Variants in THBS4 observed in about 807,000 individuals in gnomAD.
THBS4 encodes thrombospondin 4.
THBS4 carries 90 observed loss-of-function variants against 115.7 expected under a neutral mutation model. That is an observed-to-expected ratio of 0.78 (90% CI 0.66 to 0.93). The LOEUF (loss-of-function observed/expected upper bound fraction) is 0.93, where lower values mean the gene tolerates loss of function less well. Ranked by LOEUF, THBS4 falls within the 40% of genes least tolerant of loss-of-function variation. The pLI, the probability that THBS4 is intolerant of heterozygous loss-of-function variation, is 0.00. For synonymous variants in THBS4, 460 were observed against 479.3 expected (o/e 0.96, Z 0.53); for missense variants, 1,087 against 1,232.7 (o/e 0.88, Z 1.77).
At chr5:80,057,848 G>T (rs1833482278) in intron 3 of THBS4, among the ~76,000 whole-genome samples, 1 of 152,120 alleles carries the variant, frequency 6.6e-6, no homozygotes, top group Non-Finnish European at 1.5e-5. Flanking sequence ...GTTTAAAATT[G>T]GGGTTAACAC....
chr5:80,066,633 A>T (rs1302637490), intron 9 of THBS4: 1 of 152,202 alleles, frequency 6.6e-6, no homozygotes, highest in African/African-American at 2.4e-5. Flanking sequence ...AATGTTACGT[A>T]TTTAGACTAA....
intron 1 of THBS4, among the ~76,000 whole-genome samples, chr5:79,993,744 T>G (rs966681159): frequency 6.6e-6 from 1 of 152,200 alleles, no homozygotes; most frequent in Non-Finnish European, 1.5e-5. Flanking sequence ...CAGTGCAAGG[T>G]TTGTTAGGCT....
At chr5:80,068,181 C>G (rs1833905598) in intron 10 of THBS4, 56 bp downstream of exon 10, 2 of 1,595,366 alleles carry the variant, frequency 1.3e-6, no homozygotes, top group Admixed American at 1.7e-5. Flanking sequence ...TTAACACCAC[C>G]TCTCTCCAGT....
intron 9 of THBS4, 112 bp downstream of exon 9, chr5:80,065,589 T>C: frequency 1.1e-6 from 1 of 928,870 alleles, no homozygotes; most frequent in Non-Finnish European, 1.5e-6. Flanking sequence ...CATAATATAT[T>C]TGATTGGCAG....
At chr5:80,078,840 A>G (rs1743346161) in intron 17 of THBS4, 81 bp from the exon 18 acceptor site, 1 of 1,387,890 alleles carries the variant, frequency 7.2e-7, no homozygotes, top group Non-Finnish European at 1.0e-6. Context: ...ACTCACTCAT[A>G]TGGTGCCTGA....
intron 3 of THBS4, 127 bp downstream of exon 3, chr5:80,056,159 C>G (rs1183516426): frequency 8.4e-7 from 1 of 1,192,072 alleles, no homozygotes; most frequent in Non-Finnish European, 1.1e-6. Context: ...ACATCAGAAT[C>G]ACCTGCGGAG....
intron 2 of THBS4, among the ~76,000 whole-genome samples, chr5:80,027,611 T>C (rs761066848): frequency 1.4e-4 from 21 of 151,920 alleles, no homozygotes; most frequent in Non-Finnish European, 2.5e-4. Context: ...ACATAAAATA[T>C]CAGGCAGGAC....
At chr5:80,039,653 T>C (rs1832829757) in intron 1 of THBS4, among the ~76,000 whole-genome samples, 2 of 152,210 alleles carry the variant, frequency 1.3e-5, no homozygotes, top group Non-Finnish European at 2.9e-5. Context: ...TTGGCTCTGG[T>C]CCTGGAGGTG....
At chr5:80,069,069 C>A (rs536951063) in intron 10 of THBS4, among the ~76,000 whole-genome samples, 42 of 152,352 alleles carry the variant, frequency 2.8e-4, no homozygotes, top group East Asian at 1.9e-3. Context: ...CAGCTGCCCC[C>A]CTCCTCTGCA....
intron 2 of THBS4, among the ~76,000 whole-genome samples, chr5:80,014,865 A>G (rs1434909895): frequency 6.6e-6 from 1 of 152,258 alleles, no homozygotes; most frequent in African/African-American, 2.4e-5. Flanking sequence ...GTGTTAATCC[A>G]AGTCTGTCAC....
chr5:80,070,072 G>T (rs1293230966), intron 10 of THBS4, among the ~76,000 whole-genome samples: 1 of 152,138 alleles, frequency 6.6e-6, no homozygotes, highest in Non-Finnish European at 1.5e-5. Context: ...GCCTGTTCCT[G>T]GAAGTGGGAG....
intron 7 of THBS4, among the ~76,000 whole-genome samples, chr5:80,060,897 A>G (rs1238305402): frequency 6.6e-6 from 1 of 152,202 alleles, no homozygotes; most frequent in Admixed American, 6.5e-5. Context: ...TGAAAGGAGA[A>G]GCGCAGGGGA....
chr5:80,003,801 G>C (rs1831959420), intron 2 of THBS4, among the ~76,000 whole-genome samples: 1 of 152,216 alleles, frequency 6.6e-6, no homozygotes, highest in Non-Finnish European at 1.5e-5. Context: ...CAAGTTGTCT[G>C]CATAGTTAAT....
At chr5:80,043,904 G>A (rs1034710845) in intron 2 of THBS4, among the ~76,000 whole-genome samples, 12 of 152,108 alleles carry the variant, frequency 7.9e-5, no homozygotes, top group Non-Finnish European at 1.6e-4. Flanking sequence ...ACTCTGCATG[G>A]CCCCAAGCAG....
chr5:80,013,123 T>C (rs1832161018), intron 2 of THBS4, among the ~76,000 whole-genome samples: 1 of 151,990 alleles, frequency 6.6e-6, no homozygotes. Context: ...CTTTGTTTTG[T>C]TTTTTGTTTT....
upstream of THBS4, among the ~76,000 whole-genome samples, chr5:80,032,448 A>T (rs1832603995): frequency 6.6e-6 from 1 of 152,112 alleles, no homozygotes; most frequent in South Asian, 2.1e-4. Flanking sequence ...TAGGAAGGGG[A>T]GTTTATTAAG....
rs1195182588 is a variant in THBS4 at position 80,058,752 on chromosome 5, C to A, written c.694C>A (p.Gln232Lys). 6.2e-7 allele frequency: 1 copy of A among 1,614,074 alleles called. No individual in the cohort carries two copies. Reference protein sequence around the residue: ...QFLGQMTQLNQLLGEVKDLLR... With the variant: ...QFLGQMTQLNKLLGEVKDLLR... ...CTTGGGTCAAATGACACAATTAAAC[C>A]AACTCCTGGGAGAGGTGAAGGACCT... Residue 232 changes from glutamine (Q) to lysine (K), a missense_variant, in exon 5 of 22, where the codon CAA (glutamine) becomes AAA (lysine). Gln to Lys is a moderately conservative substitution (Grantham distance 53, BLOSUM62 1). Coordinates refer to ENST00000350881, the MANE Select transcript of THBS4 (RefSeq NM_003248.6).
At chr5:80,067,450 G>A (rs9293800) in intron 9 of THBS4, 42,232 of 151,912 alleles carry the variant, frequency 0.28, 6,137 homozygotes, top group Middle Eastern at 0.37. Flanking sequence ...TCATTGCAGC[G>A]GAGCTGACAG....
rs1404213062 is a variant in THBS4, at chr5:80,080,633, C to T, written c.2684+556C>T. 2.3e-5 allele frequency among the ~76,000 whole-genome samples: 3 copies of T among 129,922 alleles called. No homozygotes were observed. The East Asian group carries it at 7.5e-4, about 32-fold the overall frequency. The allele number at this position is 129,922 out of a possible 152,430, so 85.2% of individuals were successfully genotyped here. On this transcript the variant is annotated intron_variant, in intron 20 of 21. Transcript: ENST00000350881. Reference sequence around the variant, plus strand: ...GACGGAATCCCACTCTGTTGCCAGGCAGGAGTACTGTGGCGTGATCTCAGC... The same window carrying T: ...GACGGAATCCCACTCTGTTGCCAGGTAGGAGTACTGTGGCGTGATCTCAGC...
Sources: gnomAD v4.1 joint callset for allele counts (sites outside exome capture counted in the v4.1 genomes callset) on GRCh38, gnomAD v4.1.1 for gene constraint, MANE v1.5 for transcripts, NCBI Gene and HGNC (gene_info 2026-07-23, HGNC 2026-07-21) for gene names.